The following ASCC3 variants were observed in gnomAD, a reference collection of about 807,000 sequenced individuals.
ASCC3 encodes the protein activating signal cointegrator 1 complex subunit 3, also known as ASC-1 complex subunit P200.
In ASCC3, 158 loss-of-function variants were observed where a neutral mutation model predicts 256.3. That is an observed-to-expected ratio of 0.62 (90% CI 0.54 to 0.70). ASCC3 has a LOEUF of 0.70. Ranked by LOEUF, ASCC3 falls within the 30% of genes least tolerant of loss-of-function variation. ASCC3 has a pLI of 0.00. For synonymous variants in ASCC3, 948 were observed against 883.4 expected (o/e 1.07, Z -1.30); for missense variants, 2,259 against 2,626.0 (o/e 0.86, Z 3.05).
In ASCC3 at chr6:100,629,752, CATT is replaced by C. The variant is rs1774439656; in HGVS notation, c.4209-574_4209-572del. On this transcript the variant is annotated intron_variant, in intron 26 of 41. Coordinates refer to ENST00000369162, the MANE Select transcript of ASCC3 (RefSeq NM_006828.4). Reference sequence around the variant, plus strand: ...AAGCCAGAGCAAATATGTACCAACTCATTATAAGCAGATCACAGTCATATAGTG... The same window carrying C: ...AAGCCAGAGCAAATATGTACCAACTCATAAGCAGATCACAGTCATATAGTG... Among the ~76,000 whole-genome samples the C allele has an allele frequency of 2.0e-5, 3 of 151,944 alleles. 1 individual carries two copies. Among genetic ancestry groups the C allele is most frequent in the Admixed American group, 6.6e-5 (1 of 15,252 alleles).
intron 13 of ASCC3, among the ~76,000 whole-genome samples, chr6:100,682,600 T>C (rs1420933253): frequency 6.6e-6 from 1 of 152,220 alleles, no homozygotes; most frequent in Admixed American, 6.5e-5. Flanking sequence ...AAGATATTTA[T>C]GCAGTTCCTA....
intron 36 of ASCC3, among the ~76,000 whole-genome samples, chr6:100,583,529 C>T (rs527511087): frequency 6.2e-4 from 95 of 152,046 alleles, no homozygotes; most frequent in Non-Finnish European, 8.1e-4. Flanking sequence ...TGATCCTTTC[C>T]AAAAACCAGC....
At chr6:100,560,723 A>G (rs1769886965) in intron 36 of ASCC3, among the ~76,000 whole-genome samples, 1 of 150,500 alleles carries the variant, frequency 6.6e-6, no homozygotes, top group East Asian at 2.0e-4. Flanking sequence ...CTAAAGTCAT[A>G]GTCAAACCCC....
chr6:100,823,400 T>A (rs1771149427), intron 4 of ASCC3, among the ~76,000 whole-genome samples: 1 of 152,190 alleles, frequency 6.6e-6, no homozygotes, highest in Admixed American at 6.5e-5. Flanking sequence ...AACAGACTTC[T>A]ACTAAAGAGA....
intron 10 of ASCC3, among the ~76,000 whole-genome samples, chr6:100,753,522 G>C (rs1182223872): frequency 6.7e-6 from 1 of 148,254 alleles, no homozygotes; most frequent in African/African-American, 2.5e-5. Flanking sequence ...AAAAAAAACA[G>C]TCTTGCTATT....
intron 10 of ASCC3, among the ~76,000 whole-genome samples, chr6:100,762,667 T>C (rs1781471509): frequency 6.6e-6 from 1 of 152,186 alleles, no homozygotes; most frequent in Admixed American, 6.5e-5. Flanking sequence ...GGAAATTTTA[T>C]ATTCAAACCT....
intron 36 of ASCC3, among the ~76,000 whole-genome samples, chr6:100,581,640 G>A (rs1466116529): frequency 6.6e-6 from 1 of 152,038 alleles, no homozygotes; most frequent in African/African-American, 2.4e-5. Context: ...TTGGTGTTTT[G>A]GACATGAAGT....
intron 8 of ASCC3, among the ~76,000 whole-genome samples, chr6:100,787,381 GA>G (rs1475590966): frequency 6.6e-6 from 1 of 151,854 alleles, no homozygotes; most frequent in Non-Finnish European, 1.5e-5. Flanking sequence ...AATTAATCAT[GA>G]AAAAAATCAA....
intron 16 of ASCC3, among the ~76,000 whole-genome samples, chr6:100,660,637 T>A (rs1776146167): frequency 6.6e-6 from 1 of 151,704 alleles, no homozygotes. Context: ...TGAATGACTG[T>A]CCCAATTCTG....
intron 29 of ASCC3, 148 bp from the exon 30 acceptor site, chr6:100,625,482 G>A: frequency 1.1e-6 from 1 of 906,752 alleles, no homozygotes; most frequent in Non-Finnish European, 1.8e-6. Context: ...ACATGGATCT[G>A]GCAGCATATT....
intron 4 of ASCC3, among the ~76,000 whole-genome samples, chr6:100,835,726 CT>C (rs1771844137): frequency 6.6e-6 from 1 of 152,072 alleles, no homozygotes; most frequent in Non-Finnish European, 1.5e-5. Context: ...ATTACTTTGG[CT>C]ATCCAGGGTC....
At chr6:100,607,216 T>G (rs546971539) in intron 30 of ASCC3, 128 bp from the exon 31 acceptor site, 838 of 956,050 alleles carry the variant, frequency 8.8e-4, no homozygotes, top group Non-Finnish European at 1.2e-3. Context: ...AAGTCCTATA[T>G]ACAGTTATGA....
intron 10 of ASCC3, among the ~76,000 whole-genome samples, chr6:100,762,559 C>T (rs544550016): frequency 3.9e-5 from 6 of 152,270 alleles, no homozygotes; most frequent in Non-Finnish European, 7.4e-5. Flanking sequence ...CAAAGTTGCA[C>T]AAAATTGCTT....
chr6:100,751,353 C>T (rs920076146), intron 10 of ASCC3, among the ~76,000 whole-genome samples: 11 of 151,936 alleles, frequency 7.2e-5, no homozygotes, highest in African/African-American at 2.7e-4. Flanking sequence ...CTACCTCACA[C>T]CTAAACCTTA....
At chr6:100,846,304 T>C (rs1016127913) in intron 4 of ASCC3, among the ~76,000 whole-genome samples, 30 of 152,222 alleles carry the variant, frequency 2.0e-4, no homozygotes, top group Non-Finnish European at 7.3e-5. Flanking sequence ...CAAAGAATTG[T>C]ATCTAAAATA....
intron 37 of ASCC3, among the ~76,000 whole-genome samples, chr6:100,519,857 A>C (rs941834826): frequency 1.3e-5 from 2 of 152,202 alleles, no homozygotes; most frequent in Non-Finnish European, 2.9e-5. Context: ...TCCAGATGTG[A>C]AAATGTAAAA....
chr6:100,582,614 C>T (rs1245416782), intron 36 of ASCC3, among the ~76,000 whole-genome samples: 1 of 151,988 alleles, frequency 6.6e-6, no homozygotes, highest in Non-Finnish European at 1.5e-5. Flanking sequence ...CCAGAACTTC[C>T]AACACTATGT....
chr6:100,759,047 G>A (rs1052406397), intron 10 of ASCC3, among the ~76,000 whole-genome samples: 1 of 152,178 alleles, frequency 6.6e-6, no homozygotes, highest in East Asian at 1.9e-4. Context: ...CTTCTTTTGA[G>A]AAGTGTCTGT....
At chr6:100,808,422 G>C (rs1770295703) in intron 4 of ASCC3, among the ~76,000 whole-genome samples, 1 of 151,734 alleles carries the variant, frequency 6.6e-6, no homozygotes. Context: ...TATCAAAAAA[G>C]AATATTAAAA....
Sources: gnomAD v4.1 joint callset for allele counts (sites outside exome capture counted in the v4.1 genomes callset) on GRCh38, gnomAD v4.1.1 for gene constraint, MANE v1.5 for transcripts, NCBI Gene and HGNC (gene_info 2026-07-23, HGNC 2026-07-21) for gene names.